Variants in ANXA1 observed in about 807,000 individuals in gnomAD.
ANXA1 encodes the protein annexin A1, also known as annexin I (lipocortin I).
ANXA1 carries 39 observed loss-of-function variants against 47.9 expected under a neutral mutation model. That is an observed-to-expected ratio of 0.81 (90% CI 0.63 to 1.06). ANXA1 has a LOEUF of 1.06. Ranked by LOEUF, ANXA1 falls within the 50% of genes least tolerant of loss-of-function variation. The probability of loss-of-function intolerance (pLI) is 0.00; values close to 1 mark genes in which losing one functional copy is unlikely to be tolerated. For missense variants in ANXA1, 446 were observed against 422.7 expected (o/e 1.06, Z -0.48); for synonymous variants, 146 against 142.5 (o/e 1.02, Z -0.17).
rs1824225564 is a variant in ANXA1, at chr9:73,166,146, G to A, written c.756G>A (p.Leu252=). 2 of 1,612,472 alleles carry A rather than the reference G, an allele frequency of 1.2e-6. No individual in the cohort carries two copies. Among genetic ancestry groups the A allele is most frequent in the African/African-American group, 2.7e-5 (2 of 74,846 alleles). ...GTAAGCATGACATGAACAAAGTTCT[G>A]GACCTGGAGTTGAAAGGTGACATTG... is the stretch of plus-strand genomic sequence containing the variant. ...KYSKHDMNKV[L]DLELKGDIEK... Residue 252 remains leucine, a synonymous_variant, in exon 10 of 13, where the codon CTG becomes CTA. Coordinates refer to ENST00000257497, the MANE Select transcript of ANXA1 (RefSeq NM_000700.3).
Position 73,170,064 on chromosome 9 carries a change from G to C in ANXA1, c.998G>C (p.Gly333Ala), listed in dbSNP as rs149989764. Residue 333 changes from glycine (G) to alanine (A), a missense_variant, in exon 13 of 13, where the codon GGA becomes GCA. Transcript: ENST00000257497. ...LCQAILDETK[G>A]DYEKILVALC... ...TTGAATCAACAGGATGAAACCAAAGGAGATTATGAGAAAATCCTGGTGGCT... is the reference window on the plus strand; with the variant it reads ...TTGAATCAACAGGATGAAACCAAAGCAGATTATGAGAAAATCCTGGTGGCT... The C allele has an allele frequency of 1.8e-5, 29 of 1,607,552 alleles. No individual in the cohort carries two copies. In the African/African-American group the frequency reaches 3.5e-4, roughly 19 times the overall value.
intron 9 of ANXA1, among the ~76,000 whole-genome samples, chr9:73,165,885 A>G (rs1413317695): frequency 6.6e-6 from 1 of 152,102 alleles, no homozygotes; most frequent in African/African-American, 2.4e-5. Flanking sequence ...ACATTTCGCC[A>G]AAATATATAG....
At chr9:73,161,231 C>T (rs2118153838) in intron 6 of ANXA1, among the ~76,000 whole-genome samples, 1 of 152,064 alleles carries the variant, frequency 6.6e-6, no homozygotes, top group African/African-American at 2.4e-5. Flanking sequence ...TTCTATTATT[C>T]TGGAATGTAT....
In ANXA1 at chr9:73,158,712, C is replaced by T. The variant is rs1201756953; in HGVS notation, c.84C>T (p.Ser28=). 1 of 1,613,762 alleles carries T rather than the reference C, an allele frequency of 6.2e-7. No individual in the cohort carries two copies. Among genetic ancestry groups the T allele is most frequent in the Admixed American group, 1.7e-5 (1 of 59,968 alleles). Residue 28 remains serine, a synonymous_variant, in exon 3 of 13, where the codon TCC becomes TCT. Transcript: ENST00000257497. ...ATTCTTAGCAAACTGTGAAGTCATC[C>T]AAAGGTGGTCCCGGATCAGCGGTGA... ...EQEYVQTVKS[S]KGGPGSAVSP...
chr9:73,162,507 A>G (rs1824159353), intron 6 of ANXA1, among the ~76,000 whole-genome samples: 1 of 152,202 alleles, frequency 6.6e-6, no homozygotes, highest in South Asian at 2.1e-4. Flanking sequence ...TACCTATACA[A>G]TTTATTCTTA....
At chr9:73,167,837 C>T (rs1393962471) in intron 11 of ANXA1, 1 of 315,748 alleles carries the variant, frequency 3.2e-6, no homozygotes, top group Non-Finnish European at 5.8e-6. Context: ...GGGTGATGTA[C>T]TTTCTTTTTT....
intron 3 of ANXA1, 67 bp from the exon 4 acceptor site, chr9:73,159,262 G>A: frequency 8.0e-7 from 1 of 1,243,378 alleles, no homozygotes; most frequent in Non-Finnish European, 1.2e-6. Context: ...TCTCAGTAAT[G>A]AATTATTTTA....
At chr9:73,156,604 T>C (rs1402453053) in intron 1 of ANXA1, among the ~76,000 whole-genome samples, 3 of 152,208 alleles carry the variant, frequency 2.0e-5, no homozygotes, top group African/African-American at 7.2e-5. Flanking sequence ...GCTTTGGATA[T>C]TATTTTCTTC....
intron 1 of ANXA1, among the ~76,000 whole-genome samples, chr9:73,156,155 A>AAATT (rs1563960867): frequency 2.8e-5 from 4 of 145,366 alleles, no homozygotes; most frequent in South Asian, 2.1e-4. Flanking sequence ...TAATATAAAT[A>AAATT]AATAAATAAA....
At chr9:73,166,884 A>G (rs953630612) in intron 10 of ANXA1, among the ~76,000 whole-genome samples, 2 of 152,130 alleles carry the variant, frequency 1.3e-5, no homozygotes, top group Admixed American at 1.3e-4. Flanking sequence ...GGAATGTGCT[A>G]GTATTATTTG....
At position 73,165,154 on chromosome 9, in the gene ANXA1, C is replaced by G. The variant is rs370232910; in HGVS notation, c.651C>G (p.Asp217Glu). ...YEAGERRKGT[D>E]VNVFNTILTT... ...CAGGAGAAAGGAGAAAGGGGACAGA[C>G]GTAAACGTGTTCAATACCATCCTTA... is the stretch of plus-strand genomic sequence containing the variant. The change falls in exon 9 of 13, where the codon GAC becomes GAG. Residue 217 changes from aspartate (D) to glutamate (E), a missense_variant. Asp to Glu is a conservative substitution (Grantham distance 45). Coordinates refer to ENST00000257497, the MANE Select transcript of ANXA1 (RefSeq NM_000700.3). 1.2e-6 allele frequency: 2 copies of G among 1,612,724 alleles called. No individual in the cohort carries two copies. Among genetic ancestry groups the G allele is most frequent in the Non-Finnish European group, 1.7e-6 (2 of 1,179,096 alleles).
chr9:73,170,265 T>G lies in ANXA1; in HGVS notation c.*158T>G, dbSNP rs1327002955. The G allele has an allele frequency of 2.1e-6, 1 of 474,490 alleles. No individual in the cohort carries two copies. The highest frequency in any genetic ancestry group is 3.3e-5 in the East Asian group (1 of 30,376). 29.4% of individuals were successfully genotyped at this position (474,490 alleles called of 1,614,324 possible). On this transcript the variant is annotated 3_prime_UTR_variant, in exon 13 of 13. Transcript: ENST00000257497. ...AAATCATTTTTATATTATAACTCTGTATAATAGAGATAAGTCCATTTTTTA... is the reference window on the plus strand; with the variant it reads ...AAATCATTTTTATATTATAACTCTGGATAATAGAGATAAGTCCATTTTTTA...
intron 7 of ANXA1, among the ~76,000 whole-genome samples, chr9:73,163,165 G>T (rs550186455): frequency 1.3e-5 from 2 of 152,164 alleles, no homozygotes; most frequent in South Asian, 4.2e-4. Context: ...ACCAGCTCTC[G>T]TGGTTCTCAT....
At chr9:73,168,850 T>G in intron 11 of ANXA1, 182 bp from the exon 12 acceptor site, 1 of 520,326 alleles carries the variant, frequency 1.9e-6, no homozygotes, top group Non-Finnish European at 3.2e-6. Flanking sequence ...TAGAGGATTA[T>G]TTATTTTCAT....
chr9:73,170,022 A>T (rs750773582), intron 12 of ANXA1, 29 bp from the exon 13 acceptor site: 1 of 1,563,654 alleles, frequency 6.4e-7, no homozygotes, highest in South Asian at 1.2e-5. Flanking sequence ...TTCGACTAAC[A>T]TTAAGTATAC....
At chr9:73,160,517 TG>T in intron 5 of ANXA1, 141 bp downstream of exon 5, 1 of 591,272 alleles carries the variant, frequency 1.7e-6, no homozygotes, top group Non-Finnish European at 2.9e-6. Flanking sequence ...AATACCTCAA[TG>T]AAGGAATTAA....
chr9:73,154,502 C>T (rs1824017903), intron 1 of ANXA1, among the ~76,000 whole-genome samples: 2 of 152,206 alleles, frequency 1.3e-5, no homozygotes, highest in South Asian at 2.1e-4. Flanking sequence ...GTGGTACAAT[C>T]TCGGCTCACT....
At chr9:73,160,497 T>C in intron 5 of ANXA1, 121 bp downstream of exon 5, 1 of 629,926 alleles carries the variant, frequency 1.6e-6, no homozygotes, top group Non-Finnish European at 2.6e-6. Context: ...GTTTGAAGAA[T>C]AAATAAATTA....
At chr9:73,168,220 T>C (rs1245776424) in intron 11 of ANXA1, 1 of 152,168 alleles carries the variant, frequency 6.6e-6, no homozygotes, top group African/African-American at 2.4e-5. Flanking sequence ...ATATTTTGAA[T>C]ATATATGAAT....
Sources: gnomAD v4.1 joint callset for allele counts (sites outside exome capture counted in the v4.1 genomes callset) on GRCh38, gnomAD v4.1.1 for gene constraint, MANE v1.5 for transcripts, NCBI Gene and HGNC (gene_info 2026-07-23, HGNC 2026-07-21) for gene names.